The following NHS variants were observed in gnomAD, a reference collection of about 807,000 sequenced individuals.
The protein encoded by NHS is NHS actin remodeling regulator, also known as actin remodeling regulator NHS.
In NHS, 5 loss-of-function variants were observed where a neutral mutation model predicts 72.5. The ratio of observed to expected loss-of-function variants is 0.07; its 90% CI spans 0.04 to 0.14. The LOEUF (loss-of-function observed/expected upper bound fraction) is 0.14, where lower values mean the gene tolerates loss of function less well. Among genes scored for constraint, NHS ranks in the 10% least tolerant of loss-of-function variants. The pLI is 1.00. For synonymous variants in NHS, 464 were observed against 547.7 expected (o/e 0.85, Z 2.13); for missense variants, 1,072 against 1,355.7 (o/e 0.79, Z 3.29).
chrX:17,567,860 T>C (rs185190911), intron 1 of NHS, among the ~76,000 whole-genome samples: 2 of 110,474 alleles, frequency 1.8e-5, no homozygotes, highest in Admixed American at 1.9e-4. Context: ...AGAGAAAAGA[T>C]AGGGACTAGT....
intron 1 of NHS, among the ~76,000 whole-genome samples, chrX:17,584,424 TG>T (rs1380909909): frequency 8.9e-6 from 1 of 112,042 alleles, no homozygotes; most frequent in East Asian, 2.8e-4. Context: ...GCTGCCTTGG[TG>T]GGCCTCCTAT....
In NHS at chrX:17,655,757, G is replaced by A. The variant is rs1021927522; in HGVS notation, c.566-31985G>A. 6.2e-5 allele frequency among the ~76,000 whole-genome samples: 7 copies of A among 112,776 alleles called. No homozygotes were observed. The East Asian group carries it at 1.4e-3, about 23-fold the overall frequency. On this transcript the variant is annotated intron_variant, in intron 1 of 8. Transcript: ENST00000676302. The stretch of plus-strand genomic sequence containing the variant: ...GGGCTACGTCCCGCCCAGGTCTCCC[G>A]GCACCTGATTTCCCAGTGGTCAATT...
chrX:17,543,426 G>A (rs1023331071), intron 1 of NHS, among the ~76,000 whole-genome samples: 15 of 112,038 alleles, frequency 1.3e-4, no homozygotes, highest in African/African-American at 4.9e-4. Context: ...ACTAGGAAAT[G>A]CTTAGAGCTT....
intron 1 of NHS, among the ~76,000 whole-genome samples, chrX:17,422,409 C>T (rs186355571): frequency 9.0e-6 from 1 of 111,066 alleles, no homozygotes; most frequent in Non-Finnish European, 1.9e-5. Context: ...ATGATTCAAT[C>T]CATCAATCTA....
intron 1 of NHS, among the ~76,000 whole-genome samples, chrX:17,470,135 G>A (rs1027819976): frequency 4.5e-5 from 5 of 110,520 alleles, no homozygotes; most frequent in African/African-American, 1.3e-4. Context: ...TGAGAGAGGC[G>A]TGTTCTTATC....
Position 17,390,226 on chromosome X carries a change from T to C in NHS, c.565+13904T>C, listed in dbSNP as rs908194574. On this transcript the variant is annotated intron_variant, in intron 1 of 8. Transcript: ENST00000676302. ...TGAGGACAAATGACAGCCCATGAGATCTAATGTTCATTAGAATATAACATC... is the reference window on the plus strand; with the variant it reads ...TGAGGACAAATGACAGCCCATGAGACCTAATGTTCATTAGAATATAACATC... Among the ~76,000 whole-genome samples the C allele has an allele frequency of 4.9e-4, 55 of 112,469 alleles. No individual in the cohort carries two copies. In the Admixed American group the frequency reaches 5.2e-3, roughly 11 times the overall value.
intron 1 of NHS, among the ~76,000 whole-genome samples, chrX:17,429,360 C>T (rs1307409585): frequency 1.8e-5 from 2 of 111,305 alleles, no homozygotes; most frequent in African/African-American, 6.5e-5. Flanking sequence ...ACGGCGTCAT[C>T]AAGTATTCCT....
chrX:17,551,027 C>T (rs888875403), intron 1 of NHS, among the ~76,000 whole-genome samples: 5 of 111,810 alleles, frequency 4.5e-5, no homozygotes, highest in African/African-American at 1.6e-4. Context: ...CAGATATCCA[C>T]GTGGCTCCCT....
At chrX:17,615,229 T>TATATATACATATATATACAC (rs1569294251) in intron 1 of NHS, among the ~76,000 whole-genome samples, 3 of 85,669 alleles carry the variant, frequency 3.5e-5, no homozygotes, top group African/African-American at 1.7e-4. Context: ...TATATACACA[T>TATATATACATATATATACAC]ATATATACGT....
chrX:17,540,774 C>T (rs1430853076), intron 1 of NHS, among the ~76,000 whole-genome samples: 1 of 112,479 alleles, frequency 8.9e-6, no homozygotes, highest in Non-Finnish European at 1.9e-5. Flanking sequence ...TAAGGGCTCA[C>T]ACTGATTGAA....
intron 1 of NHS, among the ~76,000 whole-genome samples, chrX:17,596,293 C>T (rs1159486424): frequency 8.9e-6 from 1 of 111,800 alleles, no homozygotes; most frequent in Non-Finnish European, 1.9e-5. Flanking sequence ...GGAAGGATGG[C>T]TTGGGAGGAC....
At chrX:17,421,668 C>A (rs2064624295) in intron 1 of NHS, among the ~76,000 whole-genome samples, 1 of 110,251 alleles carries the variant, frequency 9.1e-6, no homozygotes, top group Admixed American at 9.6e-5. Flanking sequence ...CCTCTGCCTC[C>A]CAGGTTCAAG....
intron 1 of NHS, chrX:17,557,297 G>A (rs1187467397): frequency 9.7e-6 from 1 of 103,380 alleles, no homozygotes; most frequent in Non-Finnish European, 1.9e-5. Flanking sequence ...CTTTGCCTCT[G>A]GGAGAATATT....
intron 1 of NHS, among the ~76,000 whole-genome samples, chrX:17,683,886 T>G (rs1246999691): frequency 2.7e-5 from 3 of 111,629 alleles, no homozygotes; most frequent in Non-Finnish European, 5.6e-5. Context: ...AGTGGGAGTG[T>G]GCATTAGTGA....
At chrX:17,382,600 C>A (rs1406093092) in intron 1 of NHS, among the ~76,000 whole-genome samples, 1 of 112,280 alleles carries the variant, frequency 8.9e-6, no homozygotes, top group Non-Finnish European at 1.9e-5. Context: ...TGAGGTAGGG[C>A]TCAAGATTAC....
chrX:17,615,001 A>G (rs1005677600), intron 1 of NHS, among the ~76,000 whole-genome samples: 1 of 102,413 alleles, frequency 9.8e-6, no homozygotes, highest in Non-Finnish European at 2.0e-5. Flanking sequence ...TTCCTCCACT[A>G]TGCCTTTTGC....
chrX:17,528,338 A>G (rs984529483), intron 1 of NHS: 1 of 111,910 alleles, frequency 8.9e-6, no homozygotes, highest in African/African-American at 3.3e-5. Flanking sequence ...TGCTTCTGAT[A>G]TGGCTCCTCC....
intron 1 of NHS, among the ~76,000 whole-genome samples, chrX:17,486,651 C>A (rs761352038): frequency 9.0e-6 from 1 of 111,730 alleles, no homozygotes; most frequent in Non-Finnish European, 1.9e-5. Flanking sequence ...TCAGACAGAG[C>A]AAGTTATATG....
intron 1 of NHS, among the ~76,000 whole-genome samples, chrX:17,497,269 G>C (rs944887640): frequency 1.4e-4 from 16 of 112,029 alleles, no homozygotes; most frequent in Non-Finnish European, 2.1e-4. Flanking sequence ...AGCCCAAATA[G>C]TAAAAGGTCT....
Sources: allele counts gnomAD v4.1 joint callset (sites outside exome capture counted in the v4.1 genomes callset), GRCh38; gene constraint gnomAD v4.1.1; transcripts MANE v1.5; gene names NCBI Gene and HGNC (gene_info 2026-07-23, HGNC 2026-07-21).